CDC42BPA: variants seen among roughly 807,000 people sequenced by gnomAD.
CDC42BPA encodes the protein serine/threonine-protein kinase MRCK alpha.
A neutral mutation model predicts 223.5 loss-of-function variants in CDC42BPA; 80 were observed. That is an observed-to-expected ratio of 0.36 (90% CI 0.30 to 0.43). CDC42BPA has a LOEUF of 0.43. Ranked by LOEUF, CDC42BPA falls within the 20% of genes least tolerant of loss-of-function variation. CDC42BPA has a pLI of 1.00. For synonymous variants in CDC42BPA, 694 were observed against 718.6 expected, an observed-to-expected ratio of 0.97 and a Z score of 0.55; for missense variants, 1,743 against 2,099.9, an observed-to-expected ratio of 0.83 and a Z score of 3.32.
At chr1:227,133,898 T>G (rs2149552929) in intron 10 of CDC42BPA, among the ~76,000 whole-genome samples, 1 of 151,472 alleles carries the variant, frequency 6.6e-6, no homozygotes, top group African/African-American at 2.4e-5. Flanking sequence ...TGACATTCCC[T>G]CCACTATTGT....
At chr1:227,246,562 A>G (rs1022050552) in intron 2 of CDC42BPA, among the ~76,000 whole-genome samples, 1 of 152,228 alleles carries the variant, frequency 6.6e-6, no homozygotes, top group Non-Finnish European at 1.5e-5. Flanking sequence ...AAGTAAAGTA[A>G]AAGAATAAGA....
intron 1 of CDC42BPA, among the ~76,000 whole-genome samples, chr1:227,256,936 T>TACACACACAC (rs1354956767): frequency 5.6e-4 from 52 of 93,270 alleles, no homozygotes; most frequent in Admixed American, 8.8e-4. Flanking sequence ...CAAAATGTGA[T>TACACACACAC]ATATATATAC....
At position 227,253,983 on chromosome 1, in the gene CDC42BPA, T is replaced by C. The variant is rs527947186; in HGVS notation, c.270+81A>G. The stretch of plus-strand genomic sequence containing the variant: ...TTGTTTAACAAGTAACAAGTAACAA[T>C]ACTTGTTAAATTCTCTCACAATTGT... On this transcript the variant is annotated intron_variant, in intron 2 of 36. Coordinates refer to ENST00000366766, the MANE Select transcript of CDC42BPA (RefSeq NM_001394014.1). 6.3e-6 allele frequency: 5 copies of C among 797,050 alleles called. No homozygotes were observed. The East Asian group carries it at 1.0e-4, about 16-fold the overall frequency. 49.4% of individuals were successfully genotyped at this position (797,050 alleles called of 1,614,324 possible).
At chr1:227,071,235 A>G (rs190369751) in intron 20 of CDC42BPA, among the ~76,000 whole-genome samples, 1 of 152,008 alleles carries the variant, frequency 6.6e-6, no homozygotes, top group Admixed American at 6.6e-5. Context: ...ATGCAGATGC[A>G]GAGACTCCAC....
Position 226,994,355 on chromosome 1 carries a change from G to A in CDC42BPA, c.5178C>T (p.Asn1726=), listed in dbSNP as rs1451071523. 1 of 1,592,884 alleles carries A rather than the reference G, an allele frequency of 6.3e-7. No homozygotes were observed. The part of the protein sequence containing the change: ...PRHSTASNSS[N]LSSPPSPASP... ...AAGCTGGGCTTGGGGGGCTGCTTAG[G>A]TTGGAACTGTTGGAAGCTGTGGAAT... The change falls in exon 37 of 37, where the codon AAC becomes AAT. Residue 1726 remains asparagine, a synonymous_variant. Coordinates refer to ENST00000366766, the MANE Select transcript of CDC42BPA (RefSeq NM_001394014.1). This position sits in a 1 kb window ranked among gnomAD's most constrained non-coding sequence, Gnocchi z 4.0.
chr1:227,061,287 C>T (rs1406359113), intron 21 of CDC42BPA, among the ~76,000 whole-genome samples: 1 of 152,166 alleles, frequency 6.6e-6, no homozygotes, highest in East Asian at 1.9e-4. Context: ...TATCATCTAT[C>T]TCCCTTCTTC....
intron 15 of CDC42BPA, 74 bp downstream of exon 15, chr1:227,100,918 A>G (rs1684938719): frequency 5.2e-6 from 5 of 954,102 alleles, no homozygotes; most frequent in African/African-American, 5.0e-5. Context: ...TTTATTGTCT[A>G]TGTATCTCCA....
At chr1:227,243,160 T>C (rs1318431024) in intron 2 of CDC42BPA, among the ~76,000 whole-genome samples, 3 of 152,036 alleles carry the variant, frequency 2.0e-5, no homozygotes, top group Non-Finnish European at 4.4e-5. Context: ...CAACACACAC[T>C]GGGACCTGTC....
chr1:227,086,244 G>A (rs1274722063), intron 16 of CDC42BPA, among the ~76,000 whole-genome samples: 1 of 152,040 alleles, frequency 6.6e-6, no homozygotes, highest in Non-Finnish European at 1.5e-5. Flanking sequence ...ATAAACATTT[G>A]TACTGTTTCC....
In CDC42BPA at chr1:227,042,069, T is replaced by C. The variant is rs1345844959; in HGVS notation, c.3094-1833A>G. On this transcript the variant is annotated intron_variant, in intron 23 of 36. Coordinates refer to ENST00000366766, the MANE Select transcript of CDC42BPA (RefSeq NM_001394014.1). ...TTTCTAGTGCTAACTTTTTCAATTGTTCAAAATGCATTAATGCAAAAGACG... is the reference window on the plus strand; with the variant it reads ...TTTCTAGTGCTAACTTTTTCAATTGCTCAAAATGCATTAATGCAAAAGACG... Among the ~76,000 whole-genome samples, 4 of 152,156 alleles carry C rather than the reference T, an allele frequency of 2.6e-5. No individual in the cohort carries two copies. In the East Asian group the frequency reaches 5.8e-4, roughly 22 times the overall value.
intron 15 of CDC42BPA, among the ~76,000 whole-genome samples, chr1:227,092,709 G>A (rs145033520): frequency 5.9e-4 from 90 of 152,056 alleles, no homozygotes; most frequent in African/African-American, 1.6e-3. Flanking sequence ...AATTTACTTC[G>A]AAATAATTTC....
At chr1:227,044,257 G>A (rs1372115987) in intron 23 of CDC42BPA, among the ~76,000 whole-genome samples, 1 of 151,964 alleles carries the variant, frequency 6.6e-6, no homozygotes, top group Non-Finnish European at 1.5e-5. Context: ...TCTTATTAGT[G>A]GTAAACATTG....
chr1:227,080,221 A>G (rs1680348341), intron 17 of CDC42BPA, among the ~76,000 whole-genome samples: 1 of 151,722 alleles, frequency 6.6e-6, no homozygotes, highest in South Asian at 2.1e-4. Flanking sequence ...TTAAATAAAT[A>G]TAAAAAGTTA....
chr1:227,098,171 T>C (rs1000827572), intron 15 of CDC42BPA, among the ~76,000 whole-genome samples: 1 of 152,162 alleles, frequency 6.6e-6, no homozygotes, highest in Non-Finnish European at 1.5e-5. Flanking sequence ...CCTGTTATTA[T>C]GCTGTCATTC....
At chr1:227,246,062 G>C (rs548744314) in intron 2 of CDC42BPA, among the ~76,000 whole-genome samples, 17 of 152,286 alleles carry the variant, frequency 1.1e-4, no homozygotes, top group East Asian at 5.8e-4. Flanking sequence ...TGGGCCAGAG[G>C]GGGGCCCACT....
chr1:227,005,742 CAA>C (rs1450240673), intron 34 of CDC42BPA, among the ~76,000 whole-genome samples: 1 of 152,134 alleles, frequency 6.6e-6, no homozygotes, highest in Non-Finnish European at 1.5e-5. Flanking sequence ...GATTTGATTT[CAA>C]AGAGTTTATA....
At chr1:227,018,457 T>C (rs1010329402) in intron 32 of CDC42BPA, among the ~76,000 whole-genome samples, 2 of 152,208 alleles carry the variant, frequency 1.3e-5, no homozygotes, top group Non-Finnish European at 2.9e-5. Flanking sequence ...CATTAAAATT[T>C]TGTCAGGTCC....
Position 227,031,362 on chromosome 1 carries a change from A to G in CDC42BPA, c.3711T>C (p.Val1237=). 1 of 1,614,056 alleles carries G rather than the reference A, an allele frequency of 6.2e-7. No homozygotes were observed. Among genetic ancestry groups the G allele is most frequent in the Non-Finnish European group, 8.5e-7 (1 of 1,179,992 alleles). ...KNKFRDRSVY[V]PKEAYDSTLP... ...GAGTGCTGTCATAAGCCTCTTTGGGAACATAGACTGAGCGGTCTCTGAATT... is the reference window on the plus strand; with the variant it reads ...GAGTGCTGTCATAAGCCTCTTTGGGGACATAGACTGAGCGGTCTCTGAATT... The change falls in exon 28 of 37, where the codon GTT becomes GTC. Residue 1237 remains valine, a synonymous_variant. Transcript: ENST00000366766.
At chr1:227,031,535 T>C (rs1478553681) in intron 27 of CDC42BPA, 21 bp from the exon 28 acceptor site, 1 of 1,586,032 alleles carries the variant, frequency 6.3e-7, no homozygotes, top group Non-Finnish European at 8.6e-7. Flanking sequence ...TTAATCAATA[T>C]TCATGATATT....
Sources: gnomAD v4.1 joint callset for allele counts (sites outside exome capture counted in the v4.1 genomes callset) on GRCh38, gnomAD v4.1.1 for gene constraint, Gnocchi (gnomAD v3.1) non-coding constraint, MANE v1.5 for transcripts, NCBI Gene and HGNC (gene_info 2026-07-23, HGNC 2026-07-21) for gene names.